MMRN1: variants seen among roughly 807,000 people sequenced by gnomAD.
MMRN1 encodes the protein multimerin-1.
In MMRN1, 94 loss-of-function variants were observed where a neutral mutation model predicts 100.7. The ratio of observed to expected loss-of-function variants is 0.93; its 90% CI spans 0.79 to 1.11. The LOEUF is 1.11. Ranked by LOEUF, MMRN1 falls within the 50% of genes least tolerant of loss-of-function variation. The pLI, the probability that MMRN1 is intolerant of heterozygous loss-of-function variation, is 0.00. For missense variants in MMRN1, 1,606 were observed against 1,439.1 expected (o/e 1.12, Z -1.88); for synonymous variants, 575 against 505.0 (o/e 1.14, Z -1.86).
At chr4:89,911,489 A>G (rs1242061197) in intron 2 of MMRN1, among the ~76,000 whole-genome samples, 1 of 151,342 alleles carries the variant, frequency 6.6e-6, no homozygotes, top group Non-Finnish European at 1.5e-5. Context: ...TCATAATTTC[A>G]ATTAGATCAC....
intron 3 of MMRN1, among the ~76,000 whole-genome samples, chr4:89,916,138 A>T (rs968218937): frequency 4.0e-5 from 6 of 150,728 alleles, no homozygotes; most frequent in African/African-American, 1.2e-4. Context: ...AATTGGGATG[A>T]ATGCAAGTAC....
intron 6 of MMRN1, among the ~76,000 whole-genome samples, chr4:89,942,913 T>A (rs1722879851): frequency 6.6e-6 from 1 of 152,198 alleles, no homozygotes; most frequent in East Asian, 1.9e-4. Context: ...CTTTCAGAAT[T>A]CTTTTCCAGA....
At chr4:89,884,713 C>T (rs780199859) in intron 1 of MMRN1, among the ~76,000 whole-genome samples, 2 of 152,144 alleles carry the variant, frequency 1.3e-5, no homozygotes, top group African/African-American at 4.8e-5. Flanking sequence ...CCTCCAGCCT[C>T]AGCCTCCCAA....
At chr4:89,888,822 G>A (rs1021208464) in intron 1 of MMRN1, among the ~76,000 whole-genome samples, 7 of 151,710 alleles carry the variant, frequency 4.6e-5, no homozygotes, top group Admixed American at 1.3e-4. Context: ...TGAAATTCCC[G>A]TTCTGTTCAG....
intron 3 of MMRN1, among the ~76,000 whole-genome samples, chr4:89,913,111 A>G (rs1721807311): frequency 6.6e-6 from 1 of 151,278 alleles, no homozygotes; most frequent in Non-Finnish European, 1.5e-5. Flanking sequence ...TTTTAAAAAG[A>G]CCCAAATATG....
intron 6 of MMRN1, among the ~76,000 whole-genome samples, chr4:89,949,959 C>T (rs1578507539): frequency 6.6e-6 from 1 of 152,158 alleles, no homozygotes; most frequent in Non-Finnish European, 1.5e-5. Context: ...GGATGGTAAA[C>T]TACATCATTA....
At chr4:89,951,447 C>A in intron 6 of MMRN1, 158 bp from the exon 7 acceptor site, 2 of 588,746 alleles carry the variant, frequency 3.4e-6, no homozygotes, top group Non-Finnish European at 2.6e-6. Flanking sequence ...ATTTGCATGA[C>A]GTCCTGTGCC....
At chr4:89,921,323 T>G (rs1456679075) in intron 3 of MMRN1, among the ~76,000 whole-genome samples, 1 of 152,240 alleles carries the variant, frequency 6.6e-6, no homozygotes, top group Non-Finnish European at 1.5e-5. Context: ...ACTCTAGAAG[T>G]TCTACCTCCA....
chr4:89,900,314 C>T (rs1324195933), intron 1 of MMRN1, among the ~76,000 whole-genome samples: 1 of 152,088 alleles, frequency 6.6e-6, no homozygotes, highest in African/African-American at 2.4e-5. Context: ...GCCACACTGG[C>T]TTCCTTTCTG....
At position 89,888,287 on chromosome 4, in the gene MMRN1, T is replaced by A. The variant is rs114726413; in HGVS notation, c.-248-6437T>A. Among the ~76,000 whole-genome samples, 500 of 152,080 alleles carry A rather than the reference T, an allele frequency of 3.3e-3. 3 individuals are homozygous for A. The highest frequency in any genetic ancestry group is 5.1e-3 in the Admixed American group (78 of 15,246). On this transcript the variant is annotated intron_variant, in intron 1 of 8. Transcript: ENST00000394980. ...AAAGATGTCTTTATTTCCCCTTTAC[T>A]TTTGAAGGATATTTTTACAAGATAT... is the stretch of plus-strand genomic sequence containing the variant.
chr4:89,954,492 C>A lies in MMRN1; in HGVS notation c.*1074C>A, dbSNP rs1486380611. On this transcript the variant is annotated 3_prime_UTR_variant, in exon 8 of 8. Coordinates refer to ENST00000264790, the MANE Select transcript of MMRN1 (RefSeq NM_007351.3). ...CTTTATCCTCTATTTGTGTTGTCTC[C>A]CATTTTTTATTATTACAATATTACT... The A allele has an allele frequency of 9.2e-5, 14 of 152,006 alleles. No homozygotes were observed. The highest frequency in any genetic ancestry group is 9.2e-4 in the Admixed American group (14 of 15,256). 9.4% of individuals were successfully genotyped at this position (152,006 alleles called of 1,614,324 possible). A position where few individuals can be genotyped will look rare whatever the true frequency, so the allele number is the denominator to read the frequency against.
At chr4:89,909,469 T>G in intron 2 of MMRN1, 74 bp downstream of exon 2, 1 of 1,542,230 alleles carries the variant, frequency 6.5e-7, no homozygotes, top group Non-Finnish European at 8.8e-7. Flanking sequence ...TATAATGTTA[T>G]TCATGCAAGG....
intron 3 of MMRN1, among the ~76,000 whole-genome samples, chr4:89,920,826 T>C (rs994114087): frequency 1.3e-5 from 2 of 151,970 alleles, no homozygotes; most frequent in Admixed American, 6.6e-5. Flanking sequence ...GTTTGTTTGT[T>C]TTTTTTAAAT....
Position 89,901,579 on chromosome 4 carries a change from C to A in MMRN1, c.623+5985C>A, listed in dbSNP as rs538192275. ...AAGTTATTATTAGGCCTAATAACAT[C>A]CAAAATGGGTTATTCTTACATGCTG... On this transcript the variant is annotated intron_variant, in intron 1 of 7. Transcript: ENST00000264790. Among the ~76,000 whole-genome samples, 4 of 151,952 alleles carry A rather than the reference C, an allele frequency of 2.6e-5. No individual in the cohort carries two copies. In the East Asian group the frequency reaches 7.8e-4, roughly 30 times the overall value.
chr4:89,879,873 T>C (rs2110565357), intron 1 of MMRN1, among the ~76,000 whole-genome samples: 1 of 152,314 alleles, frequency 6.6e-6, no homozygotes, highest in East Asian at 1.9e-4. Flanking sequence ...TTGAAAACTG[T>C]TATCATGTTA....
chr4:89,911,926 A>C lies in MMRN1; in HGVS notation c.744-18A>C. On this transcript the variant is annotated intron_variant, in intron 2 of 7. Transcript: ENST00000264790. ...TGAAACAAATAATCGATTTCCCTCC[A>C]ATTGCTCAACTCTCTAGATCTCAGA... 6.7e-7 allele frequency: 1 copy of C among 1,482,764 alleles called. No homozygotes were observed. Among genetic ancestry groups the C allele is most frequent in the Non-Finnish European group, 9.3e-7 (1 of 1,070,906 alleles). The allele number at this position is 1,482,764 out of a possible 1,614,324, so 91.9% of individuals were successfully genotyped here.
chr4:89,901,502 A>G (rs1284165712), intron 1 of MMRN1, among the ~76,000 whole-genome samples: 1 of 152,040 alleles, frequency 6.6e-6, no homozygotes, highest in African/African-American at 2.4e-5. Context: ...TGAATTATGA[A>G]TAGGTTTTAG....
Position 89,927,947 on chromosome 4 carries a change from G to A in MMRN1, c.1108G>A (p.Glu370Lys). ...EGKVSEDKSR[E>K]FQSLLKGLKS... ...AAAAGTCAGCGAAGATAAAAGCAGA[G>A]AATTTCAATCTCTTCTAAAAGGTAA... Residue 370 changes from glutamate (E) to lysine (K), a missense_variant, in exon 5 of 8, where the codon GAA (glutamate) becomes AAA (lysine). Physicochemically the swap from Glu to Lys is moderately conservative, Grantham distance 56. Coordinates refer to ENST00000264790, the MANE Select transcript of MMRN1 (RefSeq NM_007351.3). 6.3e-7 allele frequency: 1 copy of A among 1,595,654 alleles called. No homozygotes were observed. The highest frequency in any genetic ancestry group is 1.4e-5 in the African/African-American group (1 of 73,858).
chr4:89,882,342 TTTTC>T (rs1720839151), intron 1 of MMRN1, among the ~76,000 whole-genome samples: 1 of 151,344 alleles, frequency 6.6e-6, no homozygotes, highest in Non-Finnish European at 1.5e-5. Flanking sequence ...ACTGAACATT[TTTTC>T]TTTCTTTAAT....
Sources: gnomAD v4.1 joint callset for allele counts (sites outside exome capture counted in the v4.1 genomes callset) on GRCh38, gnomAD v4.1.1 for gene constraint, MANE v1.5 for transcripts, NCBI Gene and HGNC (gene_info 2026-07-23, HGNC 2026-07-21) for gene names.